The following RWDD1 variants were observed in gnomAD, a reference collection of about 807,000 sequenced individuals.
RWDD1 encodes the protein RWD domain containing 1, also known as RWD domain-containing protein 1.
A neutral mutation model predicts 31.6 loss-of-function variants in RWDD1; 17 were observed. The observed-to-expected ratio is 0.54, with a 90% confidence interval of 0.37 to 0.81. RWDD1 has a LOEUF of 0.81. RWDD1 is among the 30% of genes least tolerant of loss of function. The probability of loss-of-function intolerance (pLI) is 0.00; values close to 1 mark genes in which losing one functional copy is unlikely to be tolerated. For missense variants in RWDD1, 204 were observed against 274.5 expected, an observed-to-expected ratio of 0.74 and a Z score of 1.82; for synonymous variants, 78 against 94.2, an observed-to-expected ratio of 0.83 and a Z score of 0.99.
At chr6:116,580,974 C>T (rs1562377200) in intron 2 of RWDD1, among the ~76,000 whole-genome samples, 1 of 152,074 alleles carries the variant, frequency 6.6e-6, no homozygotes, top group Admixed American at 6.5e-5. Flanking sequence ...TTGGAACTAA[C>T]AACCCTACAC....
intron 3 of RWDD1, among the ~76,000 whole-genome samples, chr6:116,586,518 G>A (rs926910367): frequency 2.0e-5 from 3 of 151,996 alleles, no homozygotes; most frequent in Non-Finnish European, 4.4e-5. Flanking sequence ...TTCATTGTAT[G>A]TATATATAAT....
rs1048202241 is a variant in RWDD1 at position 116,596,131 on chromosome 6, A to G, written c.*3030A>G. ...CAGAAAAGTAAGTGAACTACTTCAC[A>G]TAGCTCTTAATGTTTGTCTTTCAGA... is the stretch of plus-strand genomic sequence containing the variant. On this transcript the variant is annotated 3_prime_UTR_variant, in exon 7 of 7. Transcript: ENST00000466444. 2 of 152,254 alleles carry G rather than the reference A, an allele frequency of 1.3e-5. No individual in the cohort carries two copies. The highest frequency in any genetic ancestry group is 1.5e-5 in the Non-Finnish European group (1 of 68,036). 9.4% of individuals were successfully genotyped at this position (152,254 alleles called of 1,614,324 possible).
intron 1 of RWDD1, among the ~76,000 whole-genome samples, chr6:116,571,931 C>A (rs1371676861): frequency 1.3e-5 from 2 of 152,144 alleles, no homozygotes; most frequent in East Asian, 3.9e-4. Context: ...TTCTGTGTAA[C>A]CTACAGCAAC....
intron 1 of RWDD1, 135 bp downstream of exon 1, chr6:116,571,790 C>T: frequency 1.6e-6 from 1 of 609,408 alleles, no homozygotes; most frequent in Middle Eastern, 4.3e-4. Context: ...GCCCTCCACT[C>T]CTCAAGTTCT....
chr6:116,588,752 A>G (rs924750443), intron 3 of RWDD1, 90 bp from the exon 4 acceptor site: 11 of 816,854 alleles, frequency 1.3e-5, no homozygotes, highest in African/African-American at 1.9e-5. Flanking sequence ...CTGTATGAAC[A>G]TAGAATATAA....
intron 4 of RWDD1, among the ~76,000 whole-genome samples, chr6:116,589,953 G>A (rs1775108729): frequency 6.6e-6 from 1 of 152,106 alleles, no homozygotes; most frequent in Non-Finnish European, 1.5e-5. Flanking sequence ...TTTGGGTGGG[G>A]ACACAGCCAA....
intron 1 of RWDD1, among the ~76,000 whole-genome samples, chr6:116,577,522 C>A (rs868526891): frequency 1.3e-5 from 2 of 151,162 alleles, no homozygotes; most frequent in Non-Finnish European, 3.0e-5. Context: ...TTCAACACTT[C>A]TAACTGAAAG....
In RWDD1 at chr6:116,571,607, C is replaced by T; in HGVS notation, c.25C>T (p.Arg9Cys). The T allele has an allele frequency of 6.2e-7, 1 of 1,613,658 alleles. No individual in the cohort carries two copies. Among genetic ancestry groups the T allele is most frequent in the Non-Finnish European group, 8.5e-7 (1 of 1,179,900 alleles). The change falls in exon 1 of 7, where the codon CGC becomes TGC. Residue 9 changes from arginine (R) to cysteine (C), a missense_variant. Coordinates refer to ENST00000466444, the MANE Select transcript of RWDD1 (RefSeq NM_015952.4). MTDYGEEQ[R>C]NELEALESIY... ...GATGACAGATTACGGCGAGGAGCAG[C>T]GCAACGAGCTGGAGGCCCTGGAGTC...
chr6:116,589,616 AG>A (rs1410170643), intron 4 of RWDD1, among the ~76,000 whole-genome samples: 1 of 152,178 alleles, frequency 6.6e-6, no homozygotes, highest in South Asian at 2.1e-4. Context: ...CAGTTTTGAC[AG>A]TGTATTAGTT....
chr6:116,574,062 A>G, intron 1 of RWDD1: 1 of 831,330 alleles, frequency 1.2e-6, no homozygotes. Context: ...CTGTAGCTTG[A>G]TTGCACATTG....
At chr6:116,583,366 G>A (rs551567820) in intron 2 of RWDD1, among the ~76,000 whole-genome samples, 2 of 152,286 alleles carry the variant, frequency 1.3e-5, no homozygotes, top group South Asian at 4.1e-4. Context: ...CTGGGAGGTA[G>A]TAGGAATGGT....
At position 116,584,887 on chromosome 6, in the gene RWDD1, G is replaced by A. The variant is rs996563597; in HGVS notation, c.270+30G>A. On this transcript the variant is annotated intron_variant, in intron 3 of 6. Coordinates refer to ENST00000466444, the MANE Select transcript of RWDD1 (RefSeq NM_015952.4). Reference sequence around the variant, plus strand: ...GGAAATAATAATTTTATGTTTTGTAGCAGCATTTATTGGCCTTAAATATTA... The same window carrying A: ...GGAAATAATAATTTTATGTTTTGTAACAGCATTTATTGGCCTTAAATATTA... 45 of 1,530,464 alleles carry A rather than the reference G, an allele frequency of 2.9e-5. No individual in the cohort carries two copies. The Admixed American group carries it at 7.6e-4, about 26-fold the overall frequency. 94.8% of individuals were successfully genotyped at this position (1,530,464 alleles called of 1,614,324 possible).
intron 1 of RWDD1, among the ~76,000 whole-genome samples, chr6:116,580,008 G>T (rs1468904057): frequency 6.6e-6 from 1 of 152,180 alleles, no homozygotes. Context: ...TATAGGTGGA[G>T]ATTTTAAAAT....
chr6:116,593,952 A>G lies in RWDD1; in HGVS notation c.*851A>G, dbSNP rs1775197873. The G allele has an allele frequency of 6.6e-6, 1 of 152,326 alleles. No individual in the cohort carries two copies. Among genetic ancestry groups the G allele is most frequent in the Admixed American group, 6.5e-5 (1 of 15,268 alleles). The allele number at this position is 152,326 out of a possible 1,614,324, so 9.4% of individuals were successfully genotyped here. On this transcript the variant is annotated 3_prime_UTR_variant, in exon 7 of 7. Coordinates refer to ENST00000466444, the MANE Select transcript of RWDD1 (RefSeq NM_015952.4). ...AGAGCAAGACTCCGTCTCAAAAAAA[A>G]AAAAAAGGTTTATTTGGCTCATAAT...
chr6:116,582,598 T>C (rs1254679737), intron 2 of RWDD1, among the ~76,000 whole-genome samples: 1 of 152,176 alleles, frequency 6.6e-6, no homozygotes, highest in Non-Finnish European at 1.5e-5. Flanking sequence ...CTTAAACCTT[T>C]TATCCTGTAA....
At chr6:116,572,900 C>T in intron 1 of RWDD1, 1 of 985,430 alleles carries the variant, frequency 1.0e-6, no homozygotes, top group Non-Finnish European at 1.2e-6. Flanking sequence ...CAGTCCTGTT[C>T]ATGTTCTCTC....
rs6929971 is a variant in RWDD1 at position 116,597,154 on chromosome 6, G to C, written c.*4053G>C. ...TGGGTTGCTGCAAAGGAGGTGAGGGGAGGGGAGAGATAGCAAGTGAGAAAA... is the reference window on the plus strand; with the variant it reads ...TGGGTTGCTGCAAAGGAGGTGAGGGCAGGGGAGAGATAGCAAGTGAGAAAA... On this transcript the variant is annotated 3_prime_UTR_variant, in exon 7 of 7. Coordinates refer to ENST00000466444, the MANE Select transcript of RWDD1 (RefSeq NM_015952.4). The C allele has an allele frequency of 0.36, 54,934 of 151,942 alleles. 10,516 individuals carry two copies. The highest frequency in any genetic ancestry group is 0.49 in the African/African-American group (20,451 of 41,404). 9.4% of individuals were successfully genotyped at this position (151,942 alleles called of 1,614,324 possible). A position where few individuals can be genotyped will look rare whatever the true frequency, so the allele number is the denominator to read the frequency against.
chr6:116,597,318 A>G lies in RWDD1; in HGVS notation c.*4217A>G, dbSNP rs1358417421. On this transcript the variant is annotated 3_prime_UTR_variant, in exon 7 of 7. Coordinates refer to ENST00000466444, the MANE Select transcript of RWDD1 (RefSeq NM_015952.4). ...CATGATGAATTTTTAAATAATTGTT[A>G]TATTTAGTTTTGTTCTTCCACCTTT... 6.6e-6 allele frequency: 1 copy of G among 152,196 alleles called. No homozygotes were observed. Among genetic ancestry groups the G allele is most frequent in the Admixed American group, 6.5e-5 (1 of 15,274 alleles). 9.4% of individuals were successfully genotyped at this position (152,196 alleles called of 1,614,324 possible).
In RWDD1 at chr6:116,584,839, A is replaced by T. The variant is rs1043483648; in HGVS notation, c.252A>T (p.Leu84Phe). ...NLEDNDVSDI[L>F]KLLALQAEEN... Reference sequence around the variant, plus strand: ...AAGATAATGATGTCTCAGACATTTTAAAATTACTAGCATTACAGGTAAGGA... The same window carrying T: ...AAGATAATGATGTCTCAGACATTTTTAAATTACTAGCATTACAGGTAAGGA... Residue 84 changes from leucine (L) to phenylalanine (F), a missense_variant, in exon 3 of 7, where the codon TTA becomes TTT. By Grantham distance (22) the Leu-to-Phe change is conservative. Coordinates refer to ENST00000466444, the MANE Select transcript of RWDD1 (RefSeq NM_015952.4). The T allele has an allele frequency of 1.8e-5, 28 of 1,589,064 alleles. No individual in the cohort carries two copies. In the Admixed American group the frequency reaches 3.5e-4, roughly 20 times the overall value.
Sources: allele counts gnomAD v4.1 joint callset (sites outside exome capture counted in the v4.1 genomes callset), GRCh38; gene constraint gnomAD v4.1.1; transcripts MANE v1.5; gene names NCBI Gene and HGNC (gene_info 2026-07-23, HGNC 2026-07-21).